GCNT1: variants seen among roughly 807,000 people sequenced by gnomAD.
The protein encoded by GCNT1 is beta-1,3-galactosyl-O-glycosyl-glycoprotein beta-1,6-N-acetylglucosaminyltransferase.
GCNT1 carries 16 observed loss-of-function variants against 26.2 expected under a neutral mutation model. That is an observed-to-expected ratio of 0.61 (90% confidence interval 0.41 to 0.93). GCNT1 has a LOEUF of 0.93. Ranked by LOEUF, GCNT1 falls within the 40% of genes least tolerant of loss-of-function variation. The pLI is 0.00. For synonymous variants in GCNT1, 183 were observed against 190.8 expected, an observed-to-expected ratio of 0.96 and a Z score of 0.34; for missense variants, 477 against 526.7, an observed-to-expected ratio of 0.91 and a Z score of 0.92.
At chr9:76,432,104 G>A (rs1452901310) in intron 1 of GCNT1, among the ~76,000 whole-genome samples, 1 of 151,986 alleles carries the variant, frequency 6.6e-6, no homozygotes, top group Non-Finnish European at 1.5e-5. Context: ...GCAAAATTCT[G>A]TCTCAAGAAA....
At chr9:76,472,749 CT>C (rs869071794) in intron 2 of GCNT1, among the ~76,000 whole-genome samples, 26 of 31,418 alleles carry the variant, frequency 8.3e-4, no homozygotes, top group East Asian at 2.1e-3. Context: ...CTTTTCTTTT[CT>C]TTTTTTTTTT....
At chr9:76,422,593 G>A (rs1040994393) in intron 1 of GCNT1, among the ~76,000 whole-genome samples, 2 of 151,978 alleles carry the variant, frequency 1.3e-5, no homozygotes, top group Non-Finnish European at 2.9e-5. Flanking sequence ...ACCCAAGCTT[G>A]AGTGCAGTGG....
At chr9:76,447,023 C>T (rs182756592) in intron 1 of GCNT1, among the ~76,000 whole-genome samples, 3 of 151,644 alleles carry the variant, frequency 2.0e-5, no homozygotes, top group Admixed American at 2.0e-4. Context: ...GGCATGGTAG[C>T]GTCCACCTGT....
chr9:76,483,833 G>A (rs905801211), intron 2 of GCNT1, among the ~76,000 whole-genome samples: 4 of 151,968 alleles, frequency 2.6e-5, no homozygotes, highest in African/African-American at 9.7e-5. Flanking sequence ...TTTTTGTCGT[G>A]TGTGTGTATT....
the GCNT1 span, chr9:76,394,027 CT>C: frequency 2.7e-6 from 4 of 1,488,422 alleles, no homozygotes; most frequent in South Asian, 4.9e-5. Context: ...AAGTCCCCGG[CT>C]GCCGTCTCTC....
chr9:76,482,111 T>C (rs1191164392), intron 2 of GCNT1, among the ~76,000 whole-genome samples: 1 of 152,006 alleles, frequency 6.6e-6, no homozygotes, highest in Non-Finnish European at 1.5e-5. Context: ...AAAATAGCCT[T>C]GAAAAAATTA....
intron 1 of GCNT1, among the ~76,000 whole-genome samples, chr9:76,444,386 G>A (rs567962948): frequency 1.3e-5 from 2 of 152,220 alleles, no homozygotes; most frequent in South Asian, 2.1e-4. Context: ...GGCCTGAGTC[G>A]TGAAGCTCTG....
chr9:76,507,366 G>A lies in GCNT1; in HGVS notation c.*3698G>A, dbSNP rs1391414047. On this transcript the variant is annotated 3_prime_UTR_variant, in exon 4 of 4. Transcript: ENST00000376730. ...CTTTTGAATGAGGGTGCGACAGAAT[G>A]CAGTTAGAATCAGTTCATATCACCA... 1 of 166,948 alleles carries A rather than the reference G, an allele frequency of 6.0e-6. No homozygotes were observed. The highest frequency in any genetic ancestry group is 1.5e-5 in the Non-Finnish European group (1 of 68,102). 10.3% of individuals were successfully genotyped at this position (166,948 alleles called of 1,614,324 possible). A position where few individuals can be genotyped will look rare whatever the true frequency, so the allele number is the denominator to read the frequency against.
intron 2 of GCNT1, among the ~76,000 whole-genome samples, chr9:76,499,136 C>G (rs1256692056): frequency 6.6e-6 from 1 of 151,658 alleles, no homozygotes; most frequent in Admixed American, 6.6e-5. Context: ...GGTTAACAAT[C>G]CTTTTTTTTG....
intron 1 of GCNT1, among the ~76,000 whole-genome samples, chr9:76,431,907 G>A (rs1017102455): frequency 2.6e-5 from 4 of 152,170 alleles, no homozygotes; most frequent in Non-Finnish European, 4.4e-5. Flanking sequence ...TCAGGAGTTT[G>A]AGACCAGCCT....
intron 2 of GCNT1, among the ~76,000 whole-genome samples, chr9:76,491,515 C>G (rs1824736984): frequency 6.6e-6 from 1 of 152,154 alleles, no homozygotes; most frequent in Non-Finnish European, 1.5e-5. Context: ...TGTTGTTTTT[C>G]CCTTTCCCAG....
chr9:76,454,250 C>T (rs564729236), upstream of GCNT1, among the ~76,000 whole-genome samples: 8 of 151,866 alleles, frequency 5.3e-5, no homozygotes, highest in Non-Finnish European at 8.8e-5. Flanking sequence ...TTGGTGCATG[C>T]CTGTAATCCC....
Position 76,502,725 on chromosome 9 carries a change from G to A in GCNT1, c.344G>A (p.Ser115Asn). The change falls in exon 4 of 4, where the codon AGT becomes AAT. Residue 115 changes from serine (S) to asparagine (N), a missense_variant. By Grantham distance (46) the Ser-to-Asn change is conservative. Coordinates refer to ENST00000376730, the MANE Select transcript of GCNT1 (RefSeq NM_001490.5). Reference sequence around the variant, plus strand: ...CGCAAATATATTGTAGAACCCCTTAGTAAAGAAGAGGCGGAGTTTCCAATA... The same window carrying A: ...CGCAAATATATTGTAGAACCCCTTAATAAAGAAGAGGCGGAGTTTCCAATA... ...KRRKYIVEPL[S>N]KEEAEFPIAY... 1.2e-6 allele frequency: 2 copies of A among 1,614,060 alleles called. No individual in the cohort carries two copies. The highest frequency in any genetic ancestry group is 1.7e-6 in the Non-Finnish European group (2 of 1,179,922).
In GCNT1 at chr9:76,502,542, G is replaced by A; in HGVS notation, c.161G>A (p.Ser54Asn). The A allele has an allele frequency of 6.2e-7, 1 of 1,614,056 alleles. No homozygotes were observed. The highest frequency in any genetic ancestry group is 8.5e-7 in the Non-Finnish European group (1 of 1,179,984). The part of the protein sequence containing the change: ...RHLELAGENP[S>N]SDINCTKVLQ... ...TTGGAGCTTGCTGGGGAGAATCCTA[G>A]TAGTGATATTAATTGCACCAAAGTT... The change falls in exon 4 of 4, where the codon AGT becomes AAT. Residue 54 changes from serine (S) to asparagine (N), a missense_variant. Coordinates refer to ENST00000376730, the MANE Select transcript of GCNT1 (RefSeq NM_001490.5).
At chr9:76,409,400 T>A in the GCNT1 span, among the ~76,000 whole-genome samples, 1 of 152,158 alleles carries the variant, frequency 6.6e-6, no homozygotes, top group African/African-American at 2.4e-5. Context: ...TCTGGTTTCA[T>A]TTATTTTCTC....
upstream of GCNT1, chr9:76,459,172 G>A (rs376561071): frequency 5.3e-4 from 81 of 152,392 alleles, no homozygotes; most frequent in African/African-American, 1.8e-3. Flanking sequence ...GGGCGGCCCC[G>A]GGGCGGGCCA....
At chr9:76,459,879 A>G (rs1003685610) in intron 1 of GCNT1, among the ~76,000 whole-genome samples, 181 bp from the exon 2 acceptor site, 1 of 152,110 alleles carries the variant, frequency 6.6e-6, no homozygotes, top group African/African-American at 2.4e-5. Flanking sequence ...GCGGCAGTCT[A>G]GGAAACTCGC....
At chr9:76,495,039 A>G (rs972955383) in intron 2 of GCNT1, among the ~76,000 whole-genome samples, 10 of 152,178 alleles carry the variant, frequency 6.6e-5, no homozygotes, top group African/African-American at 1.9e-4. Context: ...CAGCCGCACT[A>G]GTCGCTTTTA....
Position 76,461,003 on chromosome 9 carries a change from A to C in GCNT1, c.-290+826A>C, listed in dbSNP as rs1197846691. On this transcript the variant is annotated intron_variant, in intron 2 of 3. Coordinates refer to ENST00000376730, the MANE Select transcript of GCNT1 (RefSeq NM_001490.5). ...GTTTGTAATTGAATTGCTTAACAGTAAGAAAAACGTTTTTCCCTAAAACTG... is the reference window on the plus strand; with the variant it reads ...GTTTGTAATTGAATTGCTTAACAGTCAGAAAAACGTTTTTCCCTAAAACTG... Among the ~76,000 whole-genome samples, 5 of 152,302 alleles carry C rather than the reference A, an allele frequency of 3.3e-5. No individual in the cohort carries two copies. The East Asian group carries it at 9.7e-4, about 29-fold the overall frequency.
Sources: gnomAD v4.1 joint callset for allele counts (sites outside exome capture counted in the v4.1 genomes callset) on GRCh38, gnomAD v4.1.1 for gene constraint, MANE v1.5 for transcripts, NCBI Gene and HGNC (gene_info 2026-07-23, HGNC 2026-07-21) for gene names.